DISP1: variants seen among roughly 807,000 people sequenced by gnomAD.
The protein encoded by DISP1 is dispatched RND transporter family member 1, also known as protein dispatched homolog 1.
Under a neutral mutation model 37.3 loss-of-function variants are expected in DISP1, and 30 were observed. That is an observed-to-expected ratio of 0.80 (90% CI 0.60 to 1.09). The LOEUF is 1.09. Among genes scored for constraint, DISP1 ranks in the 50% least tolerant of loss-of-function variants. The pLI is 0.00. For missense variants in DISP1, 1,598 were observed against 1,879.5 expected, an observed-to-expected ratio of 0.85 and a Z score of 2.77; for synonymous variants, 634 against 690.2, an observed-to-expected ratio of 0.92 and a Z score of 1.28.
chr1:222,877,355 C>T (rs923248690), intron 1 of DISP1, among the ~76,000 whole-genome samples: 5 of 152,018 alleles, frequency 3.3e-5, no homozygotes, highest in Non-Finnish European at 2.9e-5. Context: ...ACGTGGATGG[C>T]GGCAGGCAAA....
chr1:222,955,026 A>G (rs1398419497), intron 3 of DISP1, among the ~76,000 whole-genome samples: 1 of 151,580 alleles, frequency 6.6e-6, no homozygotes, highest in Non-Finnish European at 1.5e-5. Flanking sequence ...ATCACAATAC[A>G]TTCTAGTTAG....
At chr1:222,822,745 G>A (rs1663251606) in intron 1 of DISP1, among the ~76,000 whole-genome samples, 1 of 152,178 alleles carries the variant, frequency 6.6e-6, no homozygotes, top group Non-Finnish European at 1.5e-5. Context: ...GCAAATTATT[G>A]CCTCTAAAAT....
chr1:222,816,610 C>T (rs1351119549), intron 1 of DISP1, among the ~76,000 whole-genome samples: 2 of 152,134 alleles, frequency 1.3e-5, no homozygotes, highest in Admixed American at 1.3e-4. Context: ...ATTGGTACTG[C>T]GATATCTTGC....
At chr1:222,846,929 C>G (rs1667946408) in intron 1 of DISP1, among the ~76,000 whole-genome samples, 1 of 152,134 alleles carries the variant, frequency 6.6e-6, no homozygotes, top group Non-Finnish European at 1.5e-5. Flanking sequence ...TTTGTAGCTT[C>G]TCAACAGTAT....
intron 1 of DISP1, among the ~76,000 whole-genome samples, chr1:222,907,363 G>A (rs1227799382): frequency 2.6e-5 from 4 of 152,196 alleles, no homozygotes; most frequent in Non-Finnish European, 4.4e-5. Flanking sequence ...GATTCTCAAA[G>A]TGTGGTCCCA....
chr1:222,914,523 C>G (rs912825882), intron 1 of DISP1, among the ~76,000 whole-genome samples: 5 of 152,186 alleles, frequency 3.3e-5, no homozygotes, highest in African/African-American at 1.2e-4. Flanking sequence ...AGGTTATAGT[C>G]ATTTATCACT....
intron 1 of DISP1, among the ~76,000 whole-genome samples, chr1:222,920,916 T>C (rs1035446273): frequency 3.9e-4 from 59 of 152,218 alleles, no homozygotes; most frequent in Non-Finnish European, 7.9e-4. Flanking sequence ...TTTTCTAGTC[T>C]ATAATCAAAT....
intron 1 of DISP1, among the ~76,000 whole-genome samples, chr1:222,887,503 T>TGAGAATGGAAACAGA (rs1390893680): frequency 2.8e-4 from 29 of 105,150 alleles, no homozygotes; most frequent in Non-Finnish European, 3.9e-4. Flanking sequence ...TTTTTTTTTT[T>TGAGAATGGAAACAGA]TTTTTTGAGA....
chr1:222,818,214 C>T (rs1459483025), intron 1 of DISP1, among the ~76,000 whole-genome samples: 3 of 152,178 alleles, frequency 2.0e-5, no homozygotes, highest in African/African-American at 7.2e-5. Context: ...GAGCTGTCTG[C>T]TATAGTTGGA....
chr1:222,903,249 G>A (rs1377638241), intron 1 of DISP1, among the ~76,000 whole-genome samples: 2 of 137,462 alleles, frequency 1.5e-5, no homozygotes, highest in African/African-American at 5.4e-5. Context: ...ATTGAACAAC[G>A]AGAACACATG....
chr1:222,844,023 TTATCTC>T (rs1396824200), intron 1 of DISP1, among the ~76,000 whole-genome samples: 2 of 152,106 alleles, frequency 1.3e-5, no homozygotes, highest in African/African-American at 2.4e-5. Flanking sequence ...TGCTAAGTGT[TTATCTC>T]TAGAATGTAT....
At chr1:222,994,256 T>C (rs898898107) in intron 7 of DISP1, among the ~76,000 whole-genome samples, 1 of 152,224 alleles carries the variant, frequency 6.6e-6, no homozygotes, top group Admixed American at 6.5e-5. Context: ...TATCCTAATC[T>C]GACTTTAAAG....
intron 3 of DISP1, chr1:222,980,007 T>G (rs1677715674): frequency 6.3e-6 from 1 of 158,056 alleles, no homozygotes; most frequent in Non-Finnish European, 1.4e-5. Flanking sequence ...ACAAAAAAAT[T>G]TTACTGCTGA....
chr1:222,895,237 C>G (rs1441313858), intron 1 of DISP1, among the ~76,000 whole-genome samples: 2 of 152,156 alleles, frequency 1.3e-5, no homozygotes. Context: ...GAGATACTGT[C>G]CAGTTGAATG....
At chr1:222,922,643 A>G (rs1672869705) in intron 1 of DISP1, among the ~76,000 whole-genome samples, 1 of 152,196 alleles carries the variant, frequency 6.6e-6, no homozygotes, top group South Asian at 2.1e-4. Flanking sequence ...TTTGTATTTT[A>G]AATTGAGTTT....
chr1:222,950,460 C>T (rs144466601), intron 3 of DISP1, among the ~76,000 whole-genome samples: 4 of 151,970 alleles, frequency 2.6e-5, no homozygotes, highest in South Asian at 2.1e-4. Context: ...ATTAGCTGGG[C>T]GTGGTGGTGG....
At chr1:222,834,417 A>G (rs1666505815) in intron 1 of DISP1, among the ~76,000 whole-genome samples, 1 of 152,170 alleles carries the variant, frequency 6.6e-6, no homozygotes, top group African/African-American at 2.4e-5. Flanking sequence ...GAAAAGAAAA[A>G]TGTTTCAGTA....
intron 3 of DISP1, chr1:222,943,538 A>C: frequency 1.5e-6 from 1 of 657,282 alleles, no homozygotes; most frequent in African/African-American, 1.8e-5. Context: ...TTGTTAGTCA[A>C]ATCCTCCCTT....
intron 1 of DISP1, among the ~76,000 whole-genome samples, chr1:222,920,323 T>A (rs1036207426): frequency 6.6e-6 from 1 of 152,186 alleles, no homozygotes; most frequent in Admixed American, 6.6e-5. Context: ...AATATTACAT[T>A]TTGAAATGCT....
Sources: allele counts gnomAD v4.1 joint callset (sites outside exome capture counted in the v4.1 genomes callset), GRCh38; gene constraint gnomAD v4.1.1; transcripts MANE v1.5; gene names NCBI Gene and HGNC (gene_info 2026-07-23, HGNC 2026-07-21).